Variants in TRIP12 observed in about 807,000 individuals in gnomAD.
TRIP12 encodes thyroid hormone receptor interactor 12.
In TRIP12, 25 loss-of-function variants were observed where a neutral mutation model predicts 244.2. That is an observed-to-expected ratio of 0.10 (90% CI 0.07 to 0.14). TRIP12 has a LOEUF of 0.14. Ranked by LOEUF, TRIP12 falls within the 10% of genes least tolerant of loss-of-function variation. The pLI is 1.00. For missense variants in TRIP12, 1,677 were observed against 2,486.4 expected, an observed-to-expected ratio of 0.67 and a Z score of 6.92; for synonymous variants, 905 against 873.1, an observed-to-expected ratio of 1.04 and a Z score of -0.64.
intron 38 of TRIP12, among the ~76,000 whole-genome samples, chr2:229,773,115 G>A (rs2035049130): frequency 6.8e-6 from 1 of 146,996 alleles, no homozygotes; most frequent in South Asian, 2.1e-4. Context: ...TCATTCTGTT[G>A]CCCAAGCCAG....
At position 229,891,105 on chromosome 2, in the gene TRIP12, C is replaced by T. The variant is rs1356066630; in HGVS notation, c.-49-10977G>A. Among the ~76,000 whole-genome samples, 3 of 152,018 alleles carry T rather than the reference C, an allele frequency of 2.0e-5. No individual in the cohort carries two copies. In the East Asian group the frequency reaches 5.8e-4, roughly 29 times the overall value. Reference sequence around the variant, plus strand: ...GACCAGTCTGGGCAATATAAGGAGACCCCATCTCTACAAAATATTTAAAAA... The same window carrying T: ...GACCAGTCTGGGCAATATAAGGAGATCCCATCTCTACAAAATATTTAAAAA... On this transcript the variant is annotated intron_variant, in intron 1 of 41. Coordinates refer to ENST00000675903, the MANE Select transcript of TRIP12 (RefSeq NM_001348323.3).
intron 15 of TRIP12, among the ~76,000 whole-genome samples, chr2:229,809,804 C>A (rs2154277622): frequency 1.3e-5 from 2 of 152,290 alleles, no homozygotes; most frequent in South Asian, 4.2e-4. Context: ...TATTTTTCTA[C>A]AAAGTTCTGT....
intron 2 of TRIP12, among the ~76,000 whole-genome samples, chr2:229,872,104 T>TTAA (rs1553724070): frequency 2.8e-5 from 3 of 105,278 alleles, no homozygotes; most frequent in African/African-American, 1.0e-4. Context: ...ACAGATATTG[T>TTAA]AAAAAAAAAA....
intron 34 of TRIP12, among the ~76,000 whole-genome samples, chr2:229,779,522 C>T (rs1422131536): frequency 6.6e-6 from 1 of 152,158 alleles, no homozygotes; most frequent in Non-Finnish European, 1.5e-5. Context: ...TTTTGGTCAT[C>T]CTGTTATCTC....
intron 1 of TRIP12, among the ~76,000 whole-genome samples, chr2:229,910,847 A>C (rs2154377206): frequency 6.6e-6 from 1 of 152,356 alleles, no homozygotes; most frequent in South Asian, 2.1e-4. Context: ...TGTGAAAATC[A>C]ACACTAACAT....
At position 229,798,909 on chromosome 2, in the gene TRIP12, T is replaced by C; in HGVS notation, c.3448A>G (p.Arg1150Gly). 4 of 1,614,216 alleles carry C rather than the reference T, an allele frequency of 2.5e-6. No individual in the cohort carries two copies. The highest frequency in any genetic ancestry group is 3.4e-6 in the Non-Finnish European group (4 of 1,180,034). Residue 1150 changes from arginine (R) to glycine (G), a missense_variant, in exon 23 of 42, where the codon AGG (arginine) becomes GGG (glycine). Arg to Gly is a moderately radical substitution (Grantham distance 125). Around this residue, in one of 11 missense-constraint regions of TRIP12, gnomAD observed 572 missense variants for 867.8 expected, o/e 0.66. Coordinates refer to ENST00000675903, the MANE Select transcript of TRIP12 (RefSeq NM_001348323.3). ...ARTAGGSGLA[R>G]AASKDTISNN... ...GAGATGGTATCCTTTGAGGCAGCCC[T>C]GGCAAGGCCACTACCTCCCGCAGTC...
At chr2:229,791,556 C>A (rs530948025) in intron 29 of TRIP12, among the ~76,000 whole-genome samples, 3 of 152,292 alleles carry the variant, frequency 2.0e-5, no homozygotes, top group African/African-American at 7.2e-5. Context: ...CTCAGAGATG[C>A]CCAACTTCAG....
upstream of TRIP12, chr2:229,922,743 G>C: frequency 1.2e-6 from 1 of 853,274 alleles, no homozygotes; most frequent in Admixed American, 2.8e-5. Flanking sequence ...CGCGCCGGGA[G>C]ATTTTCCTCG....
At chr2:229,813,394 A>G (rs1363408555) in intron 13 of TRIP12, among the ~76,000 whole-genome samples, 1 of 152,246 alleles carries the variant, frequency 6.6e-6, no homozygotes, top group Non-Finnish European at 1.5e-5. Context: ...TTATAAAATA[A>G]CCTAATATGG....
chr2:229,857,345 AAAG>A (rs928778401), intron 4 of TRIP12, among the ~76,000 whole-genome samples: 41 of 152,264 alleles, frequency 2.7e-4, no homozygotes, highest in African/African-American at 9.9e-4. Context: ...AGAAATAAGG[AAAG>A]AAGCCTGGGC....
At chr2:229,896,717 A>C (rs538059563) in intron 1 of TRIP12, among the ~76,000 whole-genome samples, 3 of 152,200 alleles carry the variant, frequency 2.0e-5, no homozygotes, top group Non-Finnish European at 4.4e-5. Flanking sequence ...TAGGCTTTTA[A>C]AATACTCTAA....
At chr2:229,891,829 A>C (rs2067433796) in intron 1 of TRIP12, among the ~76,000 whole-genome samples, 1 of 152,188 alleles carries the variant, frequency 6.6e-6, no homozygotes, top group South Asian at 2.1e-4. Flanking sequence ...AATCTAACCT[A>C]AAGAAATACT....
chr2:229,768,262 C>CA (rs1239026332), intron 41 of TRIP12, among the ~76,000 whole-genome samples: 1 of 151,910 alleles, frequency 6.6e-6, no homozygotes, highest in Non-Finnish European at 1.5e-5. Flanking sequence ...GATCCTGTCT[C>CA]AAAAAACAAA....
At chr2:229,894,322 A>G (rs1177881822) in intron 1 of TRIP12, 1 of 152,200 alleles carries the variant, frequency 6.6e-6, no homozygotes, top group African/African-American at 2.4e-5. Context: ...TATCATTTCA[A>G]GCTTTTTAAA....
Position 229,767,708 on chromosome 2 carries a change from G to A in TRIP12, c.6050C>T (p.Thr2017Met), listed in dbSNP as rs1437289142. The A allele has an allele frequency of 6.2e-7, 1 of 1,613,746 alleles. No individual in the cohort carries two copies. ...ATCTGGGTTTTCTGTTGATTCAAAC[G>A]TCTTTCGGACAATTGTCAAAGGTGG... is the stretch of plus-strand genomic sequence containing the variant. ...LNPPLTIVRK[T>M]FESTENPDDF... is the part of the protein sequence containing the mutation. The change falls in exon 42 of 42, where the codon ACG becomes ATG. Residue 2017 changes from threonine to methionine, a missense_variant. By Grantham distance (81) the Thr-to-Met change is moderately conservative (BLOSUM62 -1). This residue lies in a region of TRIP12 where 171 missense variants were observed against 388.4 expected (regional missense o/e 0.44). Transcript: ENST00000675903.
chr2:229,801,389 T>C (rs1339811161), intron 21 of TRIP12, among the ~76,000 whole-genome samples: 2 of 152,208 alleles, frequency 1.3e-5, no homozygotes, highest in African/African-American at 4.8e-5. Context: ...CCTACCTGAG[T>C]TGGCTGCCTG....
In TRIP12 at chr2:229,815,116, G is replaced by T; in HGVS notation, c.1714C>A (p.Pro572Thr). The change falls in exon 11 of 42, where the codon CCT (proline) becomes ACT (threonine). Residue 572 changes from proline (P) to threonine (T), a missense_variant. By Grantham distance (38) the Pro-to-Thr change is conservative (BLOSUM62 -1). Transcript: ENST00000675903. ...RSSAVVVDAI[P>T]VFLEKLQVIQ... The stretch of plus-strand genomic sequence containing the variant: ...AGGATCACCTTTTCTAAAAAGACAG[G>T]AATAGCATCTACTACAACAGCAGAA... 6.2e-7 allele frequency: 1 copy of T among 1,611,764 alleles called. No individual in the cohort carries two copies. Among genetic ancestry groups the T allele is most frequent in the Non-Finnish European group, 8.5e-7 (1 of 1,179,080 alleles).
intron 34 of TRIP12, among the ~76,000 whole-genome samples, chr2:229,781,928 T>C (rs2038306156): frequency 6.6e-6 from 1 of 152,128 alleles, no homozygotes; most frequent in African/African-American, 2.4e-5. Flanking sequence ...GGGCATAAAA[T>C]CTTGACCTTA....
At position 229,797,531 on chromosome 2, in the gene TRIP12, A is replaced by G. The variant is rs545073752; in HGVS notation, c.3624+159T>C. Among the ~76,000 whole-genome samples, 8 of 152,336 alleles carry G rather than the reference A, an allele frequency of 5.3e-5. 3 individuals carry two copies. The highest frequency in any genetic ancestry group is 5.2e-4 in the Admixed American group (8 of 15,304). On this transcript the variant is annotated intron_variant, in intron 24 of 41. Transcript: ENST00000675903. ...ACTGATGAATCCTGATAGTCAAGGGATAAGTAAAAGAAATGCCAGCACCAA... is the reference window on the plus strand; with the variant it reads ...ACTGATGAATCCTGATAGTCAAGGGGTAAGTAAAAGAAATGCCAGCACCAA...
Sources: allele counts gnomAD v4.1 joint callset (sites outside exome capture counted in the v4.1 genomes callset), GRCh38; gene constraint gnomAD v4.1.1; regional missense constraint gnomAD v4.1.1; transcripts MANE v1.5; gene names NCBI Gene and HGNC (gene_info 2026-07-23, HGNC 2026-07-21).